GRIK2: variants seen among roughly 807,000 people sequenced by gnomAD.
GRIK2 encodes the protein glutamate ionotropic receptor kainate type subunit 2, also known as glutamate receptor ionotropic, kainate 2.
Under a neutral mutation model 100.3 loss-of-function variants are expected in GRIK2, and 32 were observed. The ratio of observed to expected loss-of-function variants is 0.32; its 90% CI spans 0.24 to 0.43. The LOEUF (loss-of-function observed/expected upper bound fraction) is 0.43. Ranked by LOEUF, GRIK2 falls within the 20% of genes least tolerant of loss-of-function variation. The pLI is 1.00. For synonymous variants in GRIK2, 417 were observed against 389.4 expected, an observed-to-expected ratio of 1.07 and a Z score of -0.83; for missense variants, 843 against 1,114.9, an observed-to-expected ratio of 0.76 and a Z score of 3.47.
At chr6:101,423,170 T>A (rs1439427267) in intron 2 of GRIK2, among the ~76,000 whole-genome samples, 1 of 152,192 alleles carries the variant, frequency 6.6e-6, no homozygotes, top group African/African-American at 2.4e-5. Flanking sequence ...CTTGGATAAA[T>A]TGAACACTCT....
chr6:101,809,082 G>C (rs1195213480), intron 9 of GRIK2, among the ~76,000 whole-genome samples: 2 of 151,610 alleles, frequency 1.3e-5, no homozygotes, highest in African/African-American at 4.8e-5. Context: ...GTTTAAATTT[G>C]TCATATTTTA....
At chr6:101,944,705 T>G (rs924500385) in intron 14 of GRIK2, among the ~76,000 whole-genome samples, 3 of 152,132 alleles carry the variant, frequency 2.0e-5, no homozygotes, top group Non-Finnish European at 4.4e-5. Flanking sequence ...ATTTTTTATC[T>G]AGAAAGCTGT....
intron 14 of GRIK2, among the ~76,000 whole-genome samples, chr6:102,013,262 A>C (rs1308965588): frequency 6.6e-6 from 1 of 152,080 alleles, no homozygotes; most frequent in Non-Finnish European, 1.5e-5. Context: ...TAGGAATGCT[A>C]GTTATTTTCA....
At chr6:101,438,991 G>T (rs945148617) in intron 2 of GRIK2, among the ~76,000 whole-genome samples, 4 of 152,094 alleles carry the variant, frequency 2.6e-5, no homozygotes, top group Non-Finnish European at 5.9e-5. Flanking sequence ...GGTCAACTTG[G>T]TGTCCGTTAC....
At chr6:101,458,500 G>T (rs1042728126) in intron 2 of GRIK2, among the ~76,000 whole-genome samples, 10 of 152,232 alleles carry the variant, frequency 6.6e-5, no homozygotes, top group Non-Finnish European at 1.0e-4. Flanking sequence ...CCAGCCTCCT[G>T]CAGTGCAGCC....
At chr6:101,560,327 A>G (rs939912029) in intron 2 of GRIK2, among the ~76,000 whole-genome samples, 1 of 152,100 alleles carries the variant, frequency 6.6e-6, no homozygotes, top group Admixed American at 6.5e-5. Flanking sequence ...AAATTAACCA[A>G]TTAATGGGCA....
chr6:101,911,590 C>T (rs1788695888), intron 12 of GRIK2, among the ~76,000 whole-genome samples: 2 of 151,366 alleles, frequency 1.3e-5, no homozygotes, highest in Non-Finnish European at 3.0e-5. Flanking sequence ...ACTATTTTAA[C>T]ATTGCCGTTC....
chr6:101,542,013 A>C (rs543808285), intron 2 of GRIK2, among the ~76,000 whole-genome samples: 1 of 152,250 alleles, frequency 6.6e-6, no homozygotes, highest in Non-Finnish European at 1.5e-5. Context: ...TTTAAATGAT[A>C]GTTATTCTGT....
chr6:101,890,845 T>G (rs1352915510), intron 12 of GRIK2, among the ~76,000 whole-genome samples: 1 of 151,878 alleles, frequency 6.6e-6, no homozygotes. Context: ...GACATGGAGT[T>G]AAGCCACATA....
chr6:101,803,325 T>C (rs1370944165), intron 9 of GRIK2, among the ~76,000 whole-genome samples: 1 of 151,782 alleles, frequency 6.6e-6, no homozygotes, highest in Non-Finnish European at 1.5e-5. Context: ...CATATTTGAA[T>C]GCTGATTCAA....
chr6:101,871,330 A>G (rs1261609916), intron 11 of GRIK2, among the ~76,000 whole-genome samples: 1 of 151,740 alleles, frequency 6.6e-6, no homozygotes, highest in East Asian at 1.9e-4. Flanking sequence ...TTTCATAATC[A>G]TTCTATTTAT....
At chr6:102,049,405 A>G (rs1771058224) in intron 15 of GRIK2, among the ~76,000 whole-genome samples, 1 of 152,122 alleles carries the variant, frequency 6.6e-6, no homozygotes, top group South Asian at 2.1e-4. Flanking sequence ...TATTGTTTCT[A>G]AAGCCATACA....
At chr6:101,854,150 T>G (rs1784290570) in intron 10 of GRIK2, among the ~76,000 whole-genome samples, 1 of 152,116 alleles carries the variant, frequency 6.6e-6, no homozygotes, top group African/African-American at 2.4e-5. Context: ...GTGCTGGATG[T>G]TGATAGTAGG....
At chr6:101,789,526 C>T (rs1383847884) in intron 7 of GRIK2, among the ~76,000 whole-genome samples, 4 of 152,024 alleles carry the variant, frequency 2.6e-5, no homozygotes, top group Admixed American at 6.6e-5. Flanking sequence ...AGATACATGG[C>T]GTTATTTCTG....
At chr6:101,651,596 A>T (rs1418692959) in intron 4 of GRIK2, among the ~76,000 whole-genome samples, 2 of 152,170 alleles carry the variant, frequency 1.3e-5, no homozygotes, top group East Asian at 1.9e-4. Flanking sequence ...TACAATTTTA[A>T]ATAGGGTGGT....
At chr6:101,722,627 A>T (rs1294362902) in intron 7 of GRIK2, among the ~76,000 whole-genome samples, 1 of 152,056 alleles carries the variant, frequency 6.6e-6, no homozygotes, top group Non-Finnish European at 1.5e-5. Flanking sequence ...TCAACCAGAC[A>T]GTGTATCTGG....
Position 101,491,383 on chromosome 6 carries a change from T to C in GRIK2, c.115+91991T>C, listed in dbSNP as rs188303165. 1.5e-3 allele frequency among the ~76,000 whole-genome samples: 230 copies of C among 151,830 alleles called. 1 individual carries two copies. Among genetic ancestry groups the C allele is most frequent in the African/African-American group, 5.2e-3 (214 of 41,434 alleles). On this transcript the variant is annotated intron_variant, in intron 2 of 16. Transcript: ENST00000369134. ...CCTGAAAAACCTCAAGTCAGAAATA[T>C]AGTTAGGTCCTCTTGGATTGAGCCC...
intron 10 of GRIK2, among the ~76,000 whole-genome samples, chr6:101,850,159 A>G (rs1582377682): frequency 2.0e-5 from 3 of 152,114 alleles, no homozygotes; most frequent in Admixed American, 1.3e-4. Context: ...ATAACTAATG[A>G]AGCAAAGTAG....
chr6:101,794,302 C>T (rs140658972), intron 7 of GRIK2, among the ~76,000 whole-genome samples: 7 of 152,110 alleles, frequency 4.6e-5, no homozygotes, highest in East Asian at 1.9e-4. Flanking sequence ...TCTTCTGCGT[C>T]GCTCACGCTG....
Sources: gnomAD v4.1 joint callset for allele counts (sites outside exome capture counted in the v4.1 genomes callset) on GRCh38, gnomAD v4.1.1 for gene constraint, MANE v1.5 for transcripts, NCBI Gene and HGNC (gene_info 2026-07-23, HGNC 2026-07-21) for gene names.